ABCA13: variants seen among roughly 807,000 people sequenced by gnomAD.
ABCA13 encodes ATP binding cassette subfamily A member 13.
In ABCA13, 476 loss-of-function variants were observed where a neutral mutation model predicts 478.7. The ratio of observed to expected loss-of-function variants is 0.99; its 90% CI spans 0.92 to 1.07. The LOEUF is 1.07. ABCA13 is among the 50% of genes least tolerant of loss of function. The pLI, the probability that ABCA13 is intolerant of heterozygous loss-of-function variation, is 0.00. For synonymous variants in ABCA13, 2,252 were observed against 2,158.9 expected (o/e 1.04, Z -1.20); for missense variants, 6,060 against 5,910.6 (o/e 1.03, Z -0.83).
intron 1 of ABCA13, among the ~76,000 whole-genome samples, chr7:48,184,761 G>C (rs1456451229): frequency 1.3e-5 from 2 of 152,230 alleles, no homozygotes; most frequent in South Asian, 4.1e-4. Flanking sequence ...CGGAGATTGC[G>C]GTGAGCTGAG....
Position 48,275,025 on chromosome 7 carries a change from A to G in ABCA13, c.5359A>G (p.Thr1787Ala). ...TCATGGCATAACCATTTCAAATATC[A>G]CCAAGGAAGACTTCGCAATTGTGAT... ...LLHGITISNI[T>A]KEDFAIVIKI... Residue 1787 changes from threonine (T) to alanine (A), a missense_variant, in exon 17 of 62, where the codon ACC becomes GCC. This residue lies in a region of ABCA13 where 4,423 missense variants were observed against 4,309.1 expected (regional missense o/e 1.03). Transcript: ENST00000435803. 3 of 1,613,822 alleles carry G rather than the reference A, an allele frequency of 1.9e-6. No individual in the cohort carries two copies. The highest frequency in any genetic ancestry group is 2.5e-6 in the Non-Finnish European group (3 of 1,179,798).
chr7:48,188,368 A>G (rs1009493385), intron 1 of ABCA13, among the ~76,000 whole-genome samples: 1 of 152,138 alleles, frequency 6.6e-6, no homozygotes, highest in African/African-American at 2.4e-5. Flanking sequence ...GATCATTCTC[A>G]GTAGCAGTTT....
chr7:48,395,969 T>A (rs1816781444), intron 38 of ABCA13, among the ~76,000 whole-genome samples: 1 of 152,144 alleles, frequency 6.6e-6, no homozygotes, highest in Non-Finnish European at 1.5e-5. Flanking sequence ...GAGAGCCTAT[T>A]TGAGAAGTTG....
chr7:48,215,213 G>T (rs1429000843), intron 3 of ABCA13, among the ~76,000 whole-genome samples: 1 of 152,130 alleles, frequency 6.6e-6, no homozygotes, highest in East Asian at 1.9e-4. Context: ...GGTCATTGTA[G>T]GGTTATTAAT....
At chr7:48,239,108 A>G (rs771902123) in intron 8 of ABCA13, 133 bp from the exon 9 acceptor site, 2 of 899,064 alleles carry the variant, frequency 2.2e-6, no homozygotes, top group Non-Finnish European at 3.3e-6. Flanking sequence ...AATCACATAG[A>G]TATCATCACT....
intron 29 of ABCA13, among the ~76,000 whole-genome samples, chr7:48,342,989 A>T (rs1807477433): frequency 6.6e-6 from 1 of 152,032 alleles, no homozygotes. Flanking sequence ...CAATACTCAC[A>T]TAAGTCTATT....
intron 3 of ABCA13, among the ~76,000 whole-genome samples, chr7:48,207,674 G>A (rs994469070): frequency 3.9e-5 from 6 of 152,018 alleles, no homozygotes; most frequent in Non-Finnish European, 5.9e-5. Flanking sequence ...AGTTGTTTGA[G>A]CTTGTTATAT....
chr7:48,171,669 A>T, intron 1 of ABCA13, 117 bp downstream of exon 1: 1 of 1,147,060 alleles, frequency 8.7e-7, no homozygotes, highest in Non-Finnish European at 1.2e-6. Flanking sequence ...TGCTGCAGGG[A>T]ATTTGGGGAG....
chr7:48,497,933 G>A (rs1830419509), intron 48 of ABCA13, among the ~76,000 whole-genome samples: 1 of 152,210 alleles, frequency 6.6e-6, no homozygotes, highest in Admixed American at 6.5e-5. Context: ...GGTGGAACCA[G>A]GGTACTGAGT....
chr7:48,424,442 C>G (rs982118384), intron 41 of ABCA13, among the ~76,000 whole-genome samples: 2 of 152,114 alleles, frequency 1.3e-5, no homozygotes, highest in Admixed American at 6.5e-5. Flanking sequence ...TTCTTGGAAA[C>G]TAAGACTTTA....
At chr7:48,411,460 A>G (rs1030623437) in intron 40 of ABCA13, among the ~76,000 whole-genome samples, 2 of 151,918 alleles carry the variant, frequency 1.3e-5, no homozygotes, top group South Asian at 4.1e-4. Flanking sequence ...GACACATGCC[A>G]CCAGGCCCAG....
At chr7:48,597,240 A>G (rs376769555) in intron 58 of ABCA13, among the ~76,000 whole-genome samples, 5 of 152,116 alleles carry the variant, frequency 3.3e-5, no homozygotes, top group African/African-American at 4.8e-5. Context: ...GTGAGCCACC[A>G]TGCCCGGCCT....
chr7:48,565,414 G>A (rs6944801), intron 55 of ABCA13, among the ~76,000 whole-genome samples: 1 of 152,046 alleles, frequency 6.6e-6, no homozygotes, highest in African/African-American at 2.4e-5. Context: ...CTGAAGTCCC[G>A]AAATGAATGA....
Position 48,455,380 on chromosome 7 carries a change from C to A in ABCA13, c.12815+94C>A. ...TACTTTTGAGAATTCTAGATAAAAA[C>A]TGGAAATATAAATGTTTTCATTATT... On this transcript the variant is annotated intron_variant, in intron 43 of 61. Coordinates refer to ENST00000435803, the MANE Select transcript of ABCA13 (RefSeq NM_152701.5). The A allele has an allele frequency of 6.3e-6, 9 of 1,421,272 alleles. No individual in the cohort carries two copies. The South Asian group carries it at 1.2e-4, about 18-fold the overall frequency. 88.0% of individuals were successfully genotyped at this position (1,421,272 alleles called of 1,614,324 possible).
At chr7:48,368,718 CAT>C (rs564368912) in intron 32 of ABCA13, among the ~76,000 whole-genome samples, 5,379 of 131,768 alleles carry the variant, frequency 0.041, 133 homozygotes, top group Middle Eastern at 0.072. Context: ...TATATATACA[CAT>C]ACACACACAC....
At chr7:48,204,890 G>A (rs1784729845) in intron 3 of ABCA13, among the ~76,000 whole-genome samples, 1 of 152,146 alleles carries the variant, frequency 6.6e-6, no homozygotes, top group Admixed American at 6.5e-5. Context: ...GGAGGGGTGA[G>A]TGAAGAAAGA....
At chr7:48,333,978 C>A (rs1026731600) in intron 27 of ABCA13, among the ~76,000 whole-genome samples, 4 of 152,176 alleles carry the variant, frequency 2.6e-5, no homozygotes, top group Non-Finnish European at 5.9e-5. Flanking sequence ...GTCATCCGAG[C>A]TGATCCCCCT....
chr7:48,576,493 T>C (rs977309784), intron 55 of ABCA13, among the ~76,000 whole-genome samples: 3 of 152,148 alleles, frequency 2.0e-5, no homozygotes, highest in Admixed American at 6.5e-5. Context: ...TCTGTAAGCA[T>C]TAGAAAGACC....
At chr7:48,464,504 G>A (rs535763896) in intron 43 of ABCA13, among the ~76,000 whole-genome samples, 2 of 152,302 alleles carry the variant, frequency 1.3e-5, no homozygotes, top group Non-Finnish European at 2.9e-5. Flanking sequence ...TTTATTTCTG[G>A]ATTTGGATGC....
Sources: allele counts gnomAD v4.1 joint callset (sites outside exome capture counted in the v4.1 genomes callset), GRCh38; gene constraint gnomAD v4.1.1; regional missense constraint gnomAD v4.1.1; transcripts MANE v1.5; gene names NCBI Gene and HGNC (gene_info 2026-07-23, HGNC 2026-07-21).